Variants in YEATS2 observed in about 807,000 individuals in gnomAD.
YEATS2 encodes YEATS domain containing 2.
Under a neutral mutation model 163.2 loss-of-function variants are expected in YEATS2, and 77 were observed. The ratio of observed to expected loss-of-function variants is 0.47; its 90% CI spans 0.39 to 0.57. YEATS2 has a LOEUF of 0.57. YEATS2 is among the 20% of genes least tolerant of loss of function. The pLI is 0.00. For synonymous variants in YEATS2, 631 were observed against 645.1 expected (o/e 0.98, Z 0.33); for missense variants, 1,549 against 1,729.8 (o/e 0.90, Z 1.85).
At chr3:183,755,009 T>C (rs1720565042) in intron 11 of YEATS2, among the ~76,000 whole-genome samples, 1 of 152,170 alleles carries the variant, frequency 6.6e-6, no homozygotes, top group Admixed American at 6.5e-5. Flanking sequence ...TTCTGTATAA[T>C]AGTTAAATGA....
chr3:183,808,645 CAG>C (rs754293005), intron 29 of YEATS2: 26 of 171,754 alleles, frequency 1.5e-4, no homozygotes, highest in Non-Finnish European at 2.5e-4. Flanking sequence ...CATTTGCAAT[CAG>C]GAGTTGGAGA....
At chr3:183,698,733 C>T (rs749161647) in intron 1 of YEATS2, among the ~76,000 whole-genome samples, 2 of 152,120 alleles carry the variant, frequency 1.3e-5, no homozygotes, top group Non-Finnish European at 2.9e-5. Context: ...AGTTGACCCA[C>T]GTTTTCCATT....
intron 11 of YEATS2, 25 bp from the exon 12 acceptor site, chr3:183,756,503 G>A: frequency 6.6e-7 from 1 of 1,525,540 alleles, no homozygotes; most frequent in Non-Finnish European, 8.8e-7. Context: ...TATTTTGTTT[G>A]TATTCTCTCT....
At chr3:183,777,477 A>T (rs762992003) in intron 18 of YEATS2, 65 bp from the exon 19 acceptor site, 386 of 1,542,920 alleles carry the variant, frequency 2.5e-4, no homozygotes, top group Non-Finnish European at 3.3e-4. Flanking sequence ...GATTTAAGGG[A>T]TCAGAACAGC....
chr3:183,722,166 C>G (rs1388785166), intron 5 of YEATS2, 30 bp downstream of exon 5: 1 of 1,586,766 alleles, frequency 6.3e-7, no homozygotes, highest in African/African-American at 1.4e-5. Context: ...TGGGAGGGAG[C>G]CACAGGAGAA....
chr3:183,799,522 G>A (rs1725461602), intron 23 of YEATS2, among the ~76,000 whole-genome samples: 1 of 152,164 alleles, frequency 6.6e-6, no homozygotes, highest in Non-Finnish European at 1.5e-5. Context: ...GACTCATTTG[G>A]GGAGTATACT....
At chr3:183,719,952 C>A (rs1283956724) in intron 4 of YEATS2, among the ~76,000 whole-genome samples, 3 of 152,164 alleles carry the variant, frequency 2.0e-5, no homozygotes, top group African/African-American at 7.2e-5. Flanking sequence ...TTATGAATAT[C>A]TCACATTTTG....
intron 4 of YEATS2, among the ~76,000 whole-genome samples, chr3:183,719,868 G>GT (rs1288315990): frequency 1.3e-5 from 2 of 152,050 alleles, no homozygotes; most frequent in Non-Finnish European, 2.9e-5. Flanking sequence ...TGTTTCTCTA[G>GT]TTTTTTAAGA....
At chr3:183,752,893 G>A (rs2109294380) in intron 10 of YEATS2, among the ~76,000 whole-genome samples, 1 of 151,598 alleles carries the variant, frequency 6.6e-6, no homozygotes. Context: ...CACCTCCTGG[G>A]TTCAAGCAAT....
intron 8 of YEATS2, among the ~76,000 whole-genome samples, chr3:183,742,769 C>T (rs1156400574): frequency 2.0e-5 from 3 of 152,224 alleles, no homozygotes. Flanking sequence ...CACTGTCAAA[C>T]AGCATTGAAT....
intron 12 of YEATS2, 144 bp from the exon 13 acceptor site, chr3:183,758,718 C>T (rs1388457078): frequency 1.5e-6 from 1 of 647,934 alleles, no homozygotes; most frequent in East Asian, 3.1e-5. Flanking sequence ...TTTTTCCATA[C>T]TAGTTTCAGC....
chr3:183,796,148 A>ATTTTTTTTTTTTTT (rs1176974770), intron 21 of YEATS2, among the ~76,000 whole-genome samples: 28 of 96,058 alleles, frequency 2.9e-4, no homozygotes, highest in African/African-American at 1.1e-3. Context: ...ATGCCCGGCT[A>ATTTTTTTTTTTTTT]TTTTTTTTTT....
At position 183,755,705 on chromosome 3, in the gene YEATS2, T is replaced by C. The variant is rs557951463; in HGVS notation, c.1391-823T>C. 1.1e-4 allele frequency among the ~76,000 whole-genome samples: 17 copies of C among 150,466 alleles called. No homozygotes were observed. The South Asian group carries it at 3.6e-3, about 31-fold the overall frequency. On this transcript the variant is annotated intron_variant, in intron 11 of 30. Coordinates refer to ENST00000305135, the MANE Select transcript of YEATS2 (RefSeq NM_018023.5). ...CAAAACAAGACACCAGGTTCTTAAA[T>C]CTAGCTGTTTACTTACTGATTTTCT... is the stretch of plus-strand genomic sequence containing the variant.
At chr3:183,797,208 G>A (rs1188605579) in intron 21 of YEATS2, among the ~76,000 whole-genome samples, 1 of 149,884 alleles carries the variant, frequency 6.7e-6, no homozygotes, top group African/African-American at 2.5e-5. Context: ...GATGGATGTT[G>A]CAGTGAGCTG....
chr3:183,788,636 T>C (rs527940318), intron 20 of YEATS2, among the ~76,000 whole-genome samples: 10 of 152,356 alleles, frequency 6.6e-5, no homozygotes, highest in Non-Finnish European at 1.2e-4. Context: ...CCTCATATAC[T>C]CATTTCCTTT....
intron 7 of YEATS2, among the ~76,000 whole-genome samples, chr3:183,730,311 C>T (rs1717648179): frequency 6.6e-6 from 1 of 151,866 alleles, no homozygotes; most frequent in African/African-American, 2.4e-5. Flanking sequence ...GCCCCCTGCC[C>T]GCCTTGGCCT....
intron 8 of YEATS2, among the ~76,000 whole-genome samples, chr3:183,740,905 T>G (rs2109199816): frequency 6.6e-6 from 1 of 152,288 alleles, no homozygotes; most frequent in East Asian, 1.9e-4. Context: ...AACATAGGAT[T>G]GACTTCTTGT....
At chr3:183,736,280 A>G (rs1430785911) in intron 7 of YEATS2, among the ~76,000 whole-genome samples, 5 of 152,134 alleles carry the variant, frequency 3.3e-5, no homozygotes, top group Non-Finnish European at 7.3e-5. Context: ...TTTCAAATAA[A>G]TTGTCTCAGT....
chr3:183,721,817 T>C (rs1436058314), intron 4 of YEATS2, 74 bp from the exon 5 acceptor site: 31 of 1,566,540 alleles, frequency 2.0e-5, no homozygotes, highest in Admixed American at 1.6e-4. Context: ...GATAAGGTTT[T>C]GGAGAGATCA....
Sources: gnomAD v4.1 joint callset for allele counts (sites outside exome capture counted in the v4.1 genomes callset) on GRCh38, gnomAD v4.1.1 for gene constraint, MANE v1.5 for transcripts, NCBI Gene and HGNC (gene_info 2026-07-23, HGNC 2026-07-21) for gene names.